ARHGAP40: variants seen among roughly 807,000 people sequenced by gnomAD.
ARHGAP40 encodes rho GTPase-activating protein 40.
A neutral mutation model predicts 73.5 loss-of-function variants in ARHGAP40; 43 were observed. The observed-to-expected ratio is 0.58, with a 90% CI of 0.46 to 0.75. ARHGAP40 has a LOEUF of 0.75. Among genes scored for constraint, ARHGAP40 ranks in the 30% least tolerant of loss-of-function variants. The pLI is 0.00. For synonymous variants in ARHGAP40, 300 were observed against 352.8 expected, an observed-to-expected ratio of 0.85 and a Z score of 1.68; for missense variants, 734 against 861.8, an observed-to-expected ratio of 0.85 and a Z score of 1.86.
chr20:38,609,343 T>C (rs1369608045), intron 1 of ARHGAP40, among the ~76,000 whole-genome samples: 2 of 152,058 alleles, frequency 1.3e-5, no homozygotes, highest in Non-Finnish European at 2.9e-5. Flanking sequence ...TCTAATTCTG[T>C]AGTTCTGAGG....
intron 2 of ARHGAP40, among the ~76,000 whole-genome samples, chr20:38,625,650 C>T (rs1231355680): frequency 2.0e-5 from 3 of 152,196 alleles, no homozygotes; most frequent in Non-Finnish European, 4.4e-5. Flanking sequence ...AAATCCTGAT[C>T]TCAGGTGATC....
In ARHGAP40 at chr20:38,646,080, CTG is replaced by C. The variant is rs1236781749; in HGVS notation, c.1604_1605del (p.Leu535GlnfsTer4). 5 of 1,304,248 alleles carry C rather than the reference CTG, an allele frequency of 3.8e-6. No individual in the cohort carries two copies. In the Admixed American group the frequency reaches 1.1e-4, roughly 30 times the overall value. 80.8% of individuals were successfully genotyped at this position (1,304,248 alleles called of 1,614,324 possible). ...TTTCCTGGTCGCCCAGGTGCGAAAA[CTG>C]AACGACAGTAGCAGCAGGCGCCCCC... On this transcript the variant is annotated frameshift_variant, in exon 12 of 15. Transcript: ENST00000373345. LOFTEE classifies it high-confidence loss of function. This position sits in a 1 kb window ranked among gnomAD's most constrained non-coding sequence, Gnocchi z 4.5.
intron 6 of ARHGAP40, among the ~76,000 whole-genome samples, chr20:38,635,752 C>T (rs2088971047): frequency 6.6e-6 from 1 of 151,898 alleles, no homozygotes; most frequent in Admixed American, 6.6e-5. Context: ...TATTATAGAA[C>T]ATTATATATA....
At chr20:38,617,389 AC>A (rs575564677) in intron 1 of ARHGAP40, among the ~76,000 whole-genome samples, 42 of 151,946 alleles carry the variant, frequency 2.8e-4, no homozygotes, top group Non-Finnish European at 5.6e-4. Flanking sequence ...GCCTGCTATG[AC>A]CTCACGGGCA....
exon 15 of ARHGAP40, chr20:38,650,361 G>T (rs1231738503): frequency 6.4e-6 from 3 of 471,280 alleles, no homozygotes; most frequent in African/African-American, 6.0e-5. Context: ...TTTCGAAAGT[G>T]GCCCTACAAT....
At position 38,646,118 on chromosome 20, in the gene ARHGAP40, C is replaced by G; in HGVS notation, c.1641C>G (p.Asp547Glu). Residue 547 changes from aspartate (D) to glutamate (E), a missense_variant, in exon 12 of 15, where the codon GAC (aspartate) becomes GAG (glutamate). By Grantham distance (45) the Asp-to-Glu change is conservative. Transcript: ENST00000373345. The surrounding 1 kb of genome is among the most constrained non-coding windows in gnomAD (Gnocchi z 4.5). ...GCAGCAGGCGCCCCCAGCTCTGCGA[C>G]GCAGGCCTCAAGACTTGGCTGCGGA... 1 of 1,304,214 alleles carries G rather than the reference C, an allele frequency of 7.7e-7. No individual in the cohort carries two copies. Among genetic ancestry groups the G allele is most frequent in the Non-Finnish European group, 1.0e-6 (1 of 988,882 alleles). The allele number at this position is 1,304,214 out of a possible 1,614,324, so 80.8% of individuals were successfully genotyped here.
Position 38,602,050 on chromosome 20 carries a change from C to A in ARHGAP40, c.108C>A (p.Cys36Ter). 7.8e-7 allele frequency: 1 copy of A among 1,287,012 alleles called. No individual in the cohort carries two copies. Among genetic ancestry groups the A allele is most frequent in the South Asian group, 1.2e-5 (1 of 80,808 alleles). The allele number at this position is 1,287,012 out of a possible 1,614,324, so 79.7% of individuals were successfully genotyped here. Residue 36 changes from cysteine to a stop codon, truncating the protein, a stop_gained, in exon 1 of 15, where the codon TGC (cysteine) becomes TGA (stop). Coordinates refer to ENST00000373345, the Ensembl canonical transcript of ARHGAP40. LOFTEE classifies it high-confidence loss of function. Reference sequence around the variant, plus strand: ...CGCGGGCCCGCATTGCCAGGCGCTGCGCCCAGCGCTGGGCCGACCTGGGCT... The same window carrying A: ...CGCGGGCCCGCATTGCCAGGCGCTGAGCCCAGCGCTGGGCCGACCTGGGCT...
rs1031431388 is a variant in ARHGAP40 at position 38,623,645 on chromosome 20, G to A, written c.337+87G>A. The stretch of plus-strand genomic sequence containing the variant: ...TGTCAGAGGATCCAGATATGAACCA[G>A]AACATGACAGCATTTTCTCTGTTGC... On this transcript the variant is annotated intron_variant, in intron 2 of 14. Coordinates refer to ENST00000373345, the Ensembl canonical transcript of ARHGAP40. 11 of 1,082,306 alleles carry A rather than the reference G, an allele frequency of 1.0e-5. No individual in the cohort carries two copies. In the African/African-American group the frequency reaches 1.6e-4, roughly 16 times the overall value. The allele number at this position is 1,082,306 out of a possible 1,614,324, so 67.0% of individuals were successfully genotyped here.
chr20:38,646,085 C>T lies in ARHGAP40; in HGVS notation c.1608C>T (p.Asn536=), dbSNP rs1178351908. 7.7e-7 allele frequency: 1 copy of T among 1,304,252 alleles called. No individual in the cohort carries two copies. Among genetic ancestry groups the T allele is most frequent in the Non-Finnish European group, 1.0e-6 (1 of 988,866 alleles). 80.8% of individuals were successfully genotyped at this position (1,304,252 alleles called of 1,614,324 possible). The stretch of plus-strand genomic sequence containing the variant: ...TGGTCGCCCAGGTGCGAAAACTGAA[C>T]GACAGTAGCAGCAGGCGCCCCCAGC... The change falls in exon 12 of 15, where the codon AAC becomes AAT. Residue 536 remains asparagine (N), a synonymous_variant. Transcript: ENST00000373345. The surrounding 1 kb of genome is among the most constrained non-coding windows in gnomAD (Gnocchi z 4.5).
At chr20:38,650,508 GC>G in exon 15 of ARHGAP40, 1 of 468,856 alleles carries the variant, frequency 2.1e-6, no homozygotes, top group Admixed American at 2.4e-5. Flanking sequence ...GCCATGACCA[GC>G]CCCGGGAGAA....
rs148814669 is a variant in ARHGAP40 at position 38,622,198 on chromosome 20, A to G, written c.138-1161A>G. On this transcript the variant is annotated intron_variant, in intron 1 of 14. Coordinates refer to ENST00000373345, the Ensembl canonical transcript of ARHGAP40. Reference sequence around the variant, plus strand: ...TTTAATAGGGCAGTTCAAACCACCTATGTTTATTGGTTTTCTTTGCCTTTT... The same window carrying G: ...TTTAATAGGGCAGTTCAAACCACCTGTGTTTATTGGTTTTCTTTGCCTTTT... Among the ~76,000 whole-genome samples the G allele has an allele frequency of 4.4e-4, 67 of 152,196 alleles. No homozygotes were observed. The East Asian group carries it at 6.2e-3, about 14-fold the overall frequency.
intron 10 of ARHGAP40, 49 bp from the exon 11 acceptor site, chr20:38,643,655 G>C (rs1452869799): frequency 3.1e-6 from 4 of 1,282,244 alleles, no homozygotes; most frequent in Non-Finnish European, 4.1e-6. Flanking sequence ...TGGTGGGGAG[G>C]CGCCAGGGAT....
intron 6 of ARHGAP40, among the ~76,000 whole-genome samples, chr20:38,635,262 G>A (rs1041910696): frequency 3.9e-5 from 6 of 152,114 alleles, no homozygotes; most frequent in African/African-American, 1.4e-4. Context: ...TGGGAAATTT[G>A]TGAAATAGAG....
intron 1 of ARHGAP40, among the ~76,000 whole-genome samples, chr20:38,611,894 A>T (rs2088807174): frequency 7.0e-6 from 1 of 143,372 alleles, no homozygotes; most frequent in Admixed American, 7.1e-5. Context: ...AATTTTTGTA[A>T]TTTTTTTTTT....
At chr20:38,634,076 T>C (rs1258716353) in intron 5 of ARHGAP40, among the ~76,000 whole-genome samples, 1 of 152,088 alleles carries the variant, frequency 6.6e-6, no homozygotes, top group African/African-American at 2.4e-5. Flanking sequence ...TATGAGGTCG[T>C]TGCCGTGGCT....
At chr20:38,624,860 T>C (rs183025314) in intron 2 of ARHGAP40, among the ~76,000 whole-genome samples, 3 of 152,398 alleles carry the variant, frequency 2.0e-5, no homozygotes, top group African/African-American at 4.8e-5. Context: ...CTTTACCTAG[T>C]GCACTTCACT....
intron 5 of ARHGAP40, among the ~76,000 whole-genome samples, chr20:38,630,580 T>C (rs948453313): frequency 6.6e-6 from 1 of 152,044 alleles, no homozygotes; most frequent in Non-Finnish European, 1.5e-5. Context: ...TAGGATGTAA[T>C]CATTGATAGT....
exon 5 of ARHGAP40, chr20:38,629,516 G>C: frequency 9.2e-6 from 12 of 1,305,398 alleles, no homozygotes; most frequent in Non-Finnish European, 1.2e-5. Flanking sequence ...AGAGCCTGGG[G>C]GGCTGCAGGA....
Position 38,646,319 on chromosome 20 carries a change from G to GTTA in ARHGAP40, c.1710+132_1710+133insTTA. The GTTA allele has an allele frequency of 2.9e-6, 3 of 1,049,556 alleles. No homozygotes were observed. The highest frequency in any genetic ancestry group is 4.0e-5 in the Admixed American group (1 of 25,030). The allele number at this position is 1,049,556 out of a possible 1,614,324, so 65.0% of individuals were successfully genotyped here. On this transcript the variant is annotated intron_variant, in intron 12 of 14. Transcript: ENST00000373345. This position sits in a 1 kb window ranked among gnomAD's most constrained non-coding sequence, Gnocchi z 4.5. The stretch of plus-strand genomic sequence containing the variant: ...AACGGCCCAGTGAGGCCACCAGGGG[G>GTTA]CGTTGCGGCGCCGTCACGGGGAGCG...
Sources: allele counts gnomAD v4.1 joint callset (sites outside exome capture counted in the v4.1 genomes callset), GRCh38; gene constraint gnomAD v4.1.1; non-coding constraint Gnocchi (gnomAD v3.1); transcripts MANE v1.5; gene names NCBI Gene and HGNC (gene_info 2026-07-23, HGNC 2026-07-21).